Variants in B4GALT1 observed in about 807,000 individuals in gnomAD.
B4GALT1 encodes beta-1,4-galactosyltransferase 1.
B4GALT1 carries 16 observed loss-of-function variants against 34.9 expected under a neutral mutation model. The ratio of observed to expected loss-of-function variants is 0.46; its 90% CI spans 0.31 to 0.70. B4GALT1 has a LOEUF of 0.70. Among genes scored for constraint, B4GALT1 ranks in the 30% least tolerant of loss-of-function variants. The probability of loss-of-function intolerance (pLI) is 0.05; values close to 1 mark genes in which losing one functional copy is unlikely to be tolerated. For missense variants in B4GALT1, 445 were observed against 530.5 expected (o/e 0.84, Z 1.58); for synonymous variants, 221 against 218.1 (o/e 1.01, Z -0.12).
At chr9:33,128,096 CCT>C (rs754837121) in intron 2 of B4GALT1, among the ~76,000 whole-genome samples, 473 of 147,518 alleles carry the variant, frequency 3.2e-3, no homozygotes, top group Middle Eastern at 3.5e-3. Flanking sequence ...GGTCGGCATT[CCT>C]CTCTCTCTCT....
chr9:33,167,782 G>T (rs551360796), upstream of B4GALT1, among the ~76,000 whole-genome samples: 1 of 152,326 alleles, frequency 6.6e-6, no homozygotes, highest in African/African-American at 2.4e-5. Flanking sequence ...CTGGCCAGTG[G>T]GCCTTGGTGG....
chr9:33,105,032 C>A (rs376380704), intron 2 of B4GALT1, among the ~76,000 whole-genome samples: 8 of 151,852 alleles, frequency 5.3e-5, no homozygotes, highest in Non-Finnish European at 1.2e-4. Context: ...GTTGGCCAGG[C>A]TGGTCTCAAA....
At chr9:33,122,122 T>C (rs1244413636) in intron 2 of B4GALT1, among the ~76,000 whole-genome samples, 3 of 152,178 alleles carry the variant, frequency 2.0e-5, no homozygotes, top group East Asian at 1.9e-4. Context: ...GGGATCAACA[T>C]AGTCAGAGCC....
chr9:33,126,820 G>A (rs1840116461), intron 2 of B4GALT1, among the ~76,000 whole-genome samples: 1 of 152,110 alleles, frequency 6.6e-6, no homozygotes, highest in Non-Finnish European at 1.5e-5. Flanking sequence ...GCATACCCTT[G>A]ACCCCTGCCA....
At chr9:33,104,540 C>T (rs1437657365) in exon 3 of B4GALT1, 2 of 343,380 alleles carry the variant, frequency 5.8e-6, no homozygotes, top group African/African-American at 4.3e-5. Context: ...CAGCATTTGT[C>T]TCGAGAACAG....
chr9:33,154,365 G>C (rs998888337), intron 1 of B4GALT1, among the ~76,000 whole-genome samples: 4 of 152,106 alleles, frequency 2.6e-5, no homozygotes, highest in African/African-American at 9.7e-5. Context: ...AGGGCACCTA[G>C]GAAAAACCCA....
chr9:33,170,355 T>C (rs1840828673), upstream of B4GALT1, among the ~76,000 whole-genome samples: 1 of 152,150 alleles, frequency 6.6e-6, no homozygotes, highest in Non-Finnish European at 1.5e-5. Context: ...CTAACTTAGT[T>C]TAGAACGTAA....
chr9:33,154,032 AGGGAGGGAGGG>A (rs1840561993), intron 1 of B4GALT1, among the ~76,000 whole-genome samples: 1 of 19,982 alleles, frequency 5.0e-5, no homozygotes, highest in Non-Finnish European at 8.7e-5. Flanking sequence ...GAAGGAAGGA[AGGGAGGGAGGG>A]AGGGAGGGAG....
rs12379501 is a variant in B4GALT1 at position 33,113,972 on chromosome 9, C to T, written c.960-94G>A. On this transcript the variant is annotated intron_variant, in intron 4 of 5. Transcript: ENST00000379731. ...AAGACTGTTGCTCCATCCACCATCA[C>T]CCTTGCTGTTCTCACTCAGCCCACA... 0.054 allele frequency: 62,254 copies of T among 1,157,708 alleles called. 1,979 individuals carry two copies. Among genetic ancestry groups the T allele is most frequent in the African/African-American group, 0.079 (5,263 of 66,238 alleles). 71.7% of individuals were successfully genotyped at this position (1,157,708 alleles called of 1,614,324 possible).
the B4GALT1 span, among the ~76,000 whole-genome samples, chr9:33,175,021 A>ATATATATATATATATAT: frequency 1.4e-3 from 83 of 58,620 alleles, no homozygotes; most frequent in Non-Finnish European, 2.2e-3. Context: ...ATATATATAT[A>ATATATATATATATATAT]AAATTGGAGG....
chr9:33,166,920 G>T lies in B4GALT1; in HGVS notation c.250C>A (p.Pro84Thr). ...GAGGAGGCGCCTAGAGGAGGCGGCG[G>T]CCGGGCCCCTCCGGTCCGGAGCTCC... is the stretch of plus-strand genomic sequence containing the variant. The part of the protein sequence containing the change: ...SGELRTGGAR[P>T]PPPLGASSQP... The change falls in exon 1 of 6, where the codon CCG becomes ACG. Residue 84 changes from proline (P) to threonine (T), a missense_variant. By Grantham distance (38) the Pro-to-Thr change is conservative (BLOSUM62 -1). Transcript: ENST00000379731. The T allele has an allele frequency of 6.4e-7, 1 of 1,572,616 alleles. No homozygotes were observed. The highest frequency in any genetic ancestry group is 8.6e-7 in the Non-Finnish European group (1 of 1,166,294).
upstream of B4GALT1, among the ~76,000 whole-genome samples, chr9:33,171,304 G>A (rs1341318954): frequency 1.3e-5 from 2 of 152,178 alleles, no homozygotes; most frequent in African/African-American, 4.8e-5. Context: ...TCTGGGGGCT[G>A]GAAACTCAGA....
chr9:33,124,868 T>A (rs1438923479), intron 2 of B4GALT1, among the ~76,000 whole-genome samples: 1 of 152,198 alleles, frequency 6.6e-6, no homozygotes, highest in Non-Finnish European at 1.5e-5. Flanking sequence ...CTTACATGAT[T>A]AGAGTTTCTC....
chr9:33,136,948 A>G (rs542979604), intron 1 of B4GALT1, among the ~76,000 whole-genome samples: 18 of 152,142 alleles, frequency 1.2e-4, no homozygotes, highest in Admixed American at 9.8e-4. Flanking sequence ...TGAGAAAAAA[A>G]GCTGTGGGCC....
At position 33,112,541 on chromosome 9, in the gene B4GALT1, C is replaced by T. The variant is rs965863788; in HGVS notation, c.*913G>A. On this transcript the variant is annotated 3_prime_UTR_variant, in exon 6 of 6. Transcript: ENST00000379731. ...ACTACAGCATATATTTATTTTTCTC[C>T]CTAAAAAATGCTCAATACCCCTCCC... 5 of 152,512 alleles carry T rather than the reference C, an allele frequency of 3.3e-5. No homozygotes were observed. The highest frequency in any genetic ancestry group is 4.8e-5 in the African/African-American group (2 of 41,384). 9.4% of individuals were successfully genotyped at this position (152,512 alleles called of 1,614,324 possible).
chr9:33,158,948 G>A (rs1034961998), intron 1 of B4GALT1, among the ~76,000 whole-genome samples: 23 of 152,180 alleles, frequency 1.5e-4, no homozygotes, highest in African/African-American at 5.3e-4. Flanking sequence ...GGTCTCTCCT[G>A]ACTTTGGTGT....
intron 1 of B4GALT1, among the ~76,000 whole-genome samples, chr9:33,139,398 C>T (rs1840316496): frequency 6.6e-6 from 1 of 152,226 alleles, no homozygotes; most frequent in African/African-American, 2.4e-5. Context: ...CCTTGCACAA[C>T]CCCCATCATG....
chr9:33,173,893 G>T, the B4GALT1 span, among the ~76,000 whole-genome samples: 2 of 151,994 alleles, frequency 1.3e-5, no homozygotes, highest in Non-Finnish European at 2.9e-5. Context: ...GCCAAATATG[G>T]AAAAATTTGA....
intron 1 of B4GALT1, among the ~76,000 whole-genome samples, chr9:33,157,518 C>T (rs988369962): frequency 6.6e-6 from 1 of 152,126 alleles, no homozygotes; most frequent in Non-Finnish European, 1.5e-5. Flanking sequence ...AACAACATAA[C>T]ATTTTATAAG....
Sources: gnomAD v4.1 joint callset for allele counts (sites outside exome capture counted in the v4.1 genomes callset) on GRCh38, gnomAD v4.1.1 for gene constraint, MANE v1.5 for transcripts, NCBI Gene and HGNC (gene_info 2026-07-23, HGNC 2026-07-21) for gene names.